The following RMDN2 variants were observed in gnomAD, a reference collection of about 807,000 sequenced individuals.
RMDN2 encodes the protein regulator of microtubule dynamics 2.
In RMDN2, 61 loss-of-function variants were observed where a neutral mutation model predicts 52.8. The ratio of observed to expected loss-of-function variants is 1.16; its 90% CI spans 0.94 to 1.43. The LOEUF (loss-of-function observed/expected upper bound fraction) is 1.43, where lower values mean the gene tolerates loss of function less well. RMDN2 is among the 40% of genes most tolerant of loss of function. The pLI is 0.00. For synonymous variants in RMDN2, 180 were observed against 153.1 expected (o/e 1.18, Z -1.30); for missense variants, 592 against 475.3 (o/e 1.25, Z -2.28).
At chr2:37,978,269 A>C (rs1280817709) in intron 4 of RMDN2, among the ~76,000 whole-genome samples, 1 of 135,578 alleles carries the variant, frequency 7.4e-6, no homozygotes, top group Non-Finnish European at 1.5e-5. Flanking sequence ...AGATGGCGGC[A>C]GTACAGTCCA....
At chr2:38,042,673 C>G (rs1573218539) in intron 10 of RMDN2, among the ~76,000 whole-genome samples, 1 of 152,150 alleles carries the variant, frequency 6.6e-6, no homozygotes, top group Admixed American at 6.5e-5. Context: ...GCTTTCACTG[C>G]ATCCCACAAG....
chr2:38,037,132 A>G (rs1359399292), intron 10 of RMDN2, among the ~76,000 whole-genome samples: 1 of 152,186 alleles, frequency 6.6e-6, no homozygotes, highest in Non-Finnish European at 1.5e-5. Context: ...ACCTGGATGA[A>G]CTTGGGTAAG....
intron 4 of RMDN2, among the ~76,000 whole-genome samples, chr2:37,978,503 A>G (rs1353864263): frequency 1.3e-5 from 2 of 152,138 alleles, no homozygotes; most frequent in Non-Finnish European, 2.9e-5. Context: ...TACATATACA[A>G]AAACGAATGG....
intron 2 of RMDN2, among the ~76,000 whole-genome samples, chr2:37,945,002 C>G (rs1668107218): frequency 6.6e-6 from 1 of 152,090 alleles, no homozygotes; most frequent in Non-Finnish European, 1.5e-5. Context: ...TAGCAGTACA[C>G]CTTAGGTATT....
At position 38,004,910 on chromosome 2, in the gene RMDN2, G is replaced by T. The variant is rs186064885; in HGVS notation, c.1179+694G>T. Among the ~76,000 whole-genome samples, 122 of 151,338 alleles carry T rather than the reference G, an allele frequency of 8.1e-4. 6 individuals are homozygous for T. In the East Asian group the frequency reaches 0.022, roughly 27 times the overall value. ...TCCCGTTCCTGCGTCCATGTGTTCT[G>T]ATTGTTCAGTTCCCACCTATGAGTG... is the stretch of plus-strand genomic sequence containing the variant. On this transcript the variant is annotated intron_variant, in intron 10 of 10. Transcript: ENST00000354545.
intron 10 of RMDN2, among the ~76,000 whole-genome samples, chr2:38,037,908 A>C (rs1441427867): frequency 6.6e-6 from 1 of 152,182 alleles, no homozygotes; most frequent in Non-Finnish European, 1.5e-5. Flanking sequence ...GAGCTGAGTC[A>C]CATCCAGATC....
intron 7 of RMDN2, among the ~76,000 whole-genome samples, chr2:37,994,819 A>T (rs1428609507): frequency 2.0e-5 from 3 of 152,234 alleles, no homozygotes. Context: ...ATGCTCACAC[A>T]AAGACTAGCA....
upstream of RMDN2, among the ~76,000 whole-genome samples, chr2:37,923,552 C>A (rs1666091322): frequency 6.6e-6 from 1 of 152,158 alleles, no homozygotes; most frequent in Non-Finnish European, 1.5e-5. Context: ...GTATCTAAAT[C>A]TTGTTAAAAG....
intron 2 of RMDN2, among the ~76,000 whole-genome samples, chr2:37,965,879 T>C (rs1670974246): frequency 6.6e-6 from 1 of 152,184 alleles, no homozygotes; most frequent in South Asian, 2.1e-4. Flanking sequence ...TTTTGCTGTT[T>C]ATAGAAATCT....
At chr2:37,968,675 A>G (rs564951018) in intron 2 of RMDN2, among the ~76,000 whole-genome samples, 1 of 152,328 alleles carries the variant, frequency 6.6e-6, no homozygotes, top group South Asian at 2.1e-4. Context: ...GATAGGAACA[A>G]TGGCATAGTT....
At chr2:38,031,751 A>G (rs1385217343) in intron 10 of RMDN2, among the ~76,000 whole-genome samples, 2 of 152,302 alleles carry the variant, frequency 1.3e-5, no homozygotes, top group East Asian at 3.9e-4. Context: ...GCACATCCTC[A>G]TTTGACCTCC....
chr2:37,978,086 A>G (rs1182796340), intron 4 of RMDN2, among the ~76,000 whole-genome samples: 1 of 152,208 alleles, frequency 6.6e-6, no homozygotes, highest in Admixed American at 6.5e-5. Context: ...CGGGAGGCCG[A>G]GGCTGGCAGA....
chr2:37,980,439 G>A (rs558316049), intron 4 of RMDN2, among the ~76,000 whole-genome samples: 55 of 152,228 alleles, frequency 3.6e-4, no homozygotes, highest in Non-Finnish European at 7.1e-4. Context: ...GAGTAGCTGG[G>A]ATTACAGGCA....
At chr2:37,981,221 C>A (rs1673267905) in intron 4 of RMDN2, 62 bp from the exon 5 acceptor site, 1 of 1,009,736 alleles carries the variant, frequency 9.9e-7, no homozygotes, top group South Asian at 1.3e-5. Flanking sequence ...TGAGTTAATT[C>A]AATAATCCAC....
chr2:37,960,916 C>T (rs1670138939), intron 2 of RMDN2, among the ~76,000 whole-genome samples: 1 of 152,194 alleles, frequency 6.6e-6, no homozygotes, highest in African/African-American at 2.4e-5. Flanking sequence ...ACTTGCTTGT[C>T]TGTAAAGGAT....
At chr2:37,992,858 G>T (rs1043951384) in intron 7 of RMDN2, among the ~76,000 whole-genome samples, 2 of 152,034 alleles carry the variant, frequency 1.3e-5, no homozygotes, top group Admixed American at 6.6e-5. Context: ...TTTGCCCAGG[G>T]TCACTCAGCT....
At chr2:37,995,605 G>A (rs1436824671) in intron 7 of RMDN2, among the ~76,000 whole-genome samples, 2 of 152,104 alleles carry the variant, frequency 1.3e-5, no homozygotes, top group Non-Finnish European at 2.9e-5. Context: ...AAATGTATTA[G>A]TTTGTAAAAC....
intron 5 of RMDN2, among the ~76,000 whole-genome samples, chr2:37,981,785 G>T (rs1470865814): frequency 6.6e-6 from 1 of 151,772 alleles, no homozygotes; most frequent in Non-Finnish European, 1.5e-5. Context: ...CAAACAAAGA[G>T]AATTTAATTA....
chr2:37,995,364 T>TACTAC (rs1237053304), intron 7 of RMDN2, among the ~76,000 whole-genome samples: 13 of 146,452 alleles, frequency 8.9e-5, no homozygotes, highest in South Asian at 4.2e-4. Flanking sequence ...CTACTACTAC[T>TACTAC]ACACACACAC....
Sources: gnomAD v4.1 joint callset for allele counts (sites outside exome capture counted in the v4.1 genomes callset) on GRCh38, gnomAD v4.1.1 for gene constraint, MANE v1.5 for transcripts, NCBI Gene and HGNC (gene_info 2026-07-23, HGNC 2026-07-21) for gene names.